The following KCNQ5 variants were observed in gnomAD, a reference collection of about 807,000 sequenced individuals.
KCNQ5 encodes the protein potassium voltage-gated channel subfamily Q member 5.
Under a neutral mutation model 98.2 loss-of-function variants are expected in KCNQ5, and 30 were observed. The ratio of observed to expected loss-of-function variants is 0.31; its 90% CI spans 0.23 to 0.41. The LOEUF is 0.41. Ranked by LOEUF, KCNQ5 falls within the 10% of genes least tolerant of loss-of-function variation. The probability of loss-of-function intolerance (pLI) is 1.00; values close to 1 mark genes in which losing one functional copy is unlikely to be tolerated. For missense variants in KCNQ5, 835 were observed against 1,182.5 expected, an observed-to-expected ratio of 0.71 and a Z score of 4.31; for synonymous variants, 458 against 449.4, an observed-to-expected ratio of 1.02 and a Z score of -0.24.
chr6:72,641,675 A>G (rs2098927262), intron 1 of KCNQ5, among the ~76,000 whole-genome samples: 1 of 152,056 alleles, frequency 6.6e-6, no homozygotes, highest in Non-Finnish European at 1.5e-5. Flanking sequence ...GTCTATATTA[A>G]TATACTTTTT....
chr6:72,690,961 T>C (rs1226331734), intron 1 of KCNQ5, among the ~76,000 whole-genome samples: 1 of 152,160 alleles, frequency 6.6e-6, no homozygotes, highest in Non-Finnish European at 1.5e-5. Context: ...AGAATTGTTA[T>C]ATATCAGAAA....
rs548281018 is a variant in KCNQ5 at position 72,751,258 on chromosome 6, A to G, written c.398+128671A>G. 1.8e-4 allele frequency among the ~76,000 whole-genome samples: 27 copies of G among 152,036 alleles called. 1 individual carries two copies. In the South Asian group the frequency reaches 5.2e-3, roughly 29 times the overall value. ...CAGTGTGAGCCAAGGCATGGACTCA[A>G]GAAAGTACAGGATGAATTTAGGTAA... On this transcript the variant is annotated intron_variant, in intron 1 of 13. Transcript: ENST00000370398.
intron 2 of KCNQ5, among the ~76,000 whole-genome samples, chr6:73,008,365 G>A (rs1206714236): frequency 6.6e-6 from 1 of 152,128 alleles, no homozygotes; most frequent in African/African-American, 2.4e-5. Flanking sequence ...CTTAGTACAA[G>A]AGACTTACTT....
intron 1 of KCNQ5, among the ~76,000 whole-genome samples, chr6:72,718,028 G>A (rs1310569310): frequency 2.0e-5 from 3 of 152,030 alleles, no homozygotes; most frequent in Admixed American, 2.0e-4. Context: ...TGTCTAAGAG[G>A]GCAAGGATCC....
intron 11 of KCNQ5, among the ~76,000 whole-genome samples, chr6:73,180,035 G>A (rs748553734): frequency 5.9e-5 from 9 of 152,256 alleles, no homozygotes; most frequent in Admixed American, 3.9e-4. Context: ...ACAAATTCTC[G>A]AGTCCCACTC....
At chr6:72,886,605 G>C (rs1297614178) in intron 1 of KCNQ5, among the ~76,000 whole-genome samples, 2 of 152,070 alleles carry the variant, frequency 1.3e-5, no homozygotes, top group South Asian at 4.1e-4. Context: ...CCAAAGTGGA[G>C]TAATAAAAAG....
At position 72,658,742 on chromosome 6, in the gene KCNQ5, G is replaced by A. The variant is rs555765258; in HGVS notation, c.398+36155G>A. Among the ~76,000 whole-genome samples the A allele has an allele frequency of 1.6e-4, 24 of 151,256 alleles. No homozygotes were observed. In the South Asian group the frequency reaches 2.9e-3, roughly 18 times the overall value. On this transcript the variant is annotated intron_variant, in intron 1 of 13. Transcript: ENST00000370398. ...ATTATAGGCATGTGCCACCATGCCC[G>A]GTAACTTTTGTATTTTTCGTAGAGA...
intron 1 of KCNQ5, among the ~76,000 whole-genome samples, chr6:72,891,992 C>A (rs1179337703): frequency 6.6e-6 from 1 of 152,088 alleles, no homozygotes; most frequent in Non-Finnish European, 1.5e-5. Context: ...AACTTAGGGT[C>A]ATTTTTACTG....
Position 72,964,820 on chromosome 6 carries a change from G to A in KCNQ5, c.399-39088G>A, listed in dbSNP as rs576383345. The stretch of plus-strand genomic sequence containing the variant: ...AAAAAATTTTAGTCTCCCAACATTC[G>A]GGTTCTCAACTGAGTTTGAACAAAC... On this transcript the variant is annotated intron_variant, in intron 1 of 13. Coordinates refer to ENST00000370398, the MANE Select transcript of KCNQ5 (RefSeq NM_019842.4). Among the ~76,000 whole-genome samples the A allele has an allele frequency of 2.6e-5, 4 of 151,986 alleles. No individual in the cohort carries two copies. In the East Asian group the frequency reaches 5.8e-4, roughly 22 times the overall value.
At chr6:73,047,240 A>G (rs1049206732) in intron 3 of KCNQ5, among the ~76,000 whole-genome samples, 1 of 152,218 alleles carries the variant, frequency 6.6e-6, no homozygotes, top group African/African-American at 2.4e-5. Context: ...CAGGCTTTAT[A>G]GAACATTAAT....
At chr6:72,662,162 C>T (rs1766563244) in intron 1 of KCNQ5, among the ~76,000 whole-genome samples, 1 of 152,122 alleles carries the variant, frequency 6.6e-6, no homozygotes, top group Non-Finnish European at 1.5e-5. Flanking sequence ...CCTCTCAGCA[C>T]ATTTATATCT....
intron 10 of KCNQ5, among the ~76,000 whole-genome samples, chr6:73,149,253 A>G (rs990736235): frequency 6.6e-6 from 1 of 152,210 alleles, no homozygotes; most frequent in South Asian, 2.1e-4. Flanking sequence ...ATATTATAGA[A>G]TGCATCACAA....
rs988435104 is a variant in KCNQ5 at position 73,197,252 on chromosome 6, T to A, written c.*1838T>A. On this transcript the variant is annotated 3_prime_UTR_variant, in exon 14 of 14. Coordinates refer to ENST00000370398, the MANE Select transcript of KCNQ5 (RefSeq NM_019842.4). ...TTCACCAGGCCTTAACCAGCCTCCA[T>A]CCCCAGGTCAACCAGTTCTCCGCTT... is the stretch of plus-strand genomic sequence containing the variant. The A allele has an allele frequency of 7.2e-5, 11 of 152,246 alleles. No homozygotes were observed. Among genetic ancestry groups the A allele is most frequent in the Non-Finnish European group, 1.2e-4 (8 of 68,066 alleles). The allele number at this position is 152,246 out of a possible 1,614,324, so 9.4% of individuals were successfully genotyped here.
intron 9 of KCNQ5, among the ~76,000 whole-genome samples, chr6:73,124,881 G>C (rs573923203): frequency 2.3e-4 from 32 of 142,152 alleles, no homozygotes; most frequent in African/African-American, 7.4e-4. Flanking sequence ...AATGTAAAAA[G>C]TCCAGGCAGC....
intron 1 of KCNQ5, among the ~76,000 whole-genome samples, chr6:72,698,913 C>T (rs1005971993): frequency 6.6e-6 from 1 of 151,954 alleles, no homozygotes; most frequent in Non-Finnish European, 1.5e-5. Flanking sequence ...CCTGCCTTGG[C>T]GTCCGACAGT....
intron 10 of KCNQ5, among the ~76,000 whole-genome samples, chr6:73,145,061 T>C (rs572917481): frequency 5.4e-4 from 82 of 152,370 alleles, no homozygotes; most frequent in African/African-American, 1.7e-3. Flanking sequence ...TATTTGCTTT[T>C]AGTATTTTCA....
chr6:72,883,340 G>T (rs1331622424), intron 1 of KCNQ5, among the ~76,000 whole-genome samples: 2 of 151,748 alleles, frequency 1.3e-5, no homozygotes, highest in African/African-American at 4.8e-5. Flanking sequence ...TGTTTTCTGG[G>T]TGTGCTGTCT....
intron 1 of KCNQ5, among the ~76,000 whole-genome samples, chr6:72,932,248 GTGTT>G (rs988259377): frequency 6.6e-6 from 1 of 151,922 alleles, no homozygotes; most frequent in South Asian, 2.1e-4. Flanking sequence ...GAAAATATGT[GTGTT>G]TGTGTGTGTG....
chr6:73,081,698 G>T (rs1319018781), intron 5 of KCNQ5, among the ~76,000 whole-genome samples: 1 of 152,022 alleles, frequency 6.6e-6, no homozygotes, highest in Non-Finnish European at 1.5e-5. Context: ...AATATTTGTT[G>T]ATTTGTTGCC....
Sources: allele counts gnomAD v4.1 joint callset (sites outside exome capture counted in the v4.1 genomes callset), GRCh38; gene constraint gnomAD v4.1.1; transcripts MANE v1.5; gene names NCBI Gene and HGNC (gene_info 2026-07-23, HGNC 2026-07-21).